The following TBC1D1 variants were observed in gnomAD, a reference collection of about 807,000 sequenced individuals.
TBC1D1 encodes the protein TBC1 domain family member 1.
In TBC1D1, 89 loss-of-function variants were observed where a neutral mutation model predicts 125.6. The observed-to-expected ratio is 0.71, with a 90% CI of 0.60 to 0.85. The LOEUF is 0.85. TBC1D1 is among the 40% of genes least tolerant of loss of function. The pLI is 0.00. For missense variants in TBC1D1, 1,377 were observed against 1,469.2 expected, an observed-to-expected ratio of 0.94 and a Z score of 1.03; for synonymous variants, 565 against 564.1, an observed-to-expected ratio of 1.00 and a Z score of -0.02.
At chr4:37,999,164 G>A (rs1436943880) in intron 2 of TBC1D1, among the ~76,000 whole-genome samples, 2 of 152,124 alleles carry the variant, frequency 1.3e-5, no homozygotes, top group Non-Finnish European at 2.9e-5. Flanking sequence ...CAGGAGAATC[G>A]CTTGAACCCG....
Position 38,015,047 on chromosome 4 carries a change from G to A in TBC1D1, c.882+74G>A, listed in dbSNP as rs188739081. ...CAAGAGAAAATCTGCTTTATGGAGC[G>A]AAGATTCTTAGTCAATTGCTTTTGA... is the stretch of plus-strand genomic sequence containing the variant. On this transcript the variant is annotated intron_variant, in intron 3 of 19. Transcript: ENST00000261439. 76 of 1,268,482 alleles carry A rather than the reference G, an allele frequency of 6.0e-5. 1 individual carries two copies. In the African/African-American group the frequency reaches 1.0e-3, roughly 17 times the overall value. 78.6% of individuals were successfully genotyped at this position (1,268,482 alleles called of 1,614,324 possible).
rs1304963501 is a variant in TBC1D1, at chr4:37,995,359, A to C, written c.418-19150A>C. ...GTATAGTATTTCTTTGATTTCCTTCATCTGTAAAAGCAGGAAGAAAATATT... is the reference window on the plus strand; with the variant it reads ...GTATAGTATTTCTTTGATTTCCTTCCTCTGTAAAAGCAGGAAGAAAATATT... On this transcript the variant is annotated intron_variant, in intron 2 of 19. Transcript: ENST00000261439. This position sits in a 1 kb window ranked among gnomAD's most constrained non-coding sequence, Gnocchi z 4.3. 5.4e-6 allele frequency: 1 copy of C among 184,956 alleles called. No homozygotes were observed. The highest frequency in any genetic ancestry group is 2.4e-5 in the African/African-American group (1 of 42,186). 11.5% of individuals were successfully genotyped at this position (184,956 alleles called of 1,614,324 possible).
At chr4:37,982,977 G>A (rs1938352711) in intron 2 of TBC1D1, among the ~76,000 whole-genome samples, 1 of 152,202 alleles carries the variant, frequency 6.6e-6, no homozygotes, top group Non-Finnish European at 1.5e-5. Flanking sequence ...CTCACAGGAG[G>A]TTGGTGGGCC....
At chr4:38,084,229 C>T (rs1757093752) in intron 12 of TBC1D1, among the ~76,000 whole-genome samples, 1 of 152,154 alleles carries the variant, frequency 6.6e-6, no homozygotes. Context: ...CCACCATGCC[C>T]GGCCATGAAT....
At chr4:38,010,499 AC>A (rs1741246783) in intron 2 of TBC1D1, among the ~76,000 whole-genome samples, 1 of 152,106 alleles carries the variant, frequency 6.6e-6, no homozygotes, top group African/African-American at 2.4e-5. Flanking sequence ...AGGCCCACTT[AC>A]CCAGCTAGAT....
intron 5 of TBC1D1, 132 bp from the exon 6 acceptor site, chr4:38,021,454 G>A (rs1024749739): frequency 1.5e-6 from 1 of 674,896 alleles, no homozygotes; most frequent in African/African-American, 1.9e-5. Context: ...ATTATTATCT[G>A]TCAACCTGTG....
chr4:38,096,396 T>C (rs1424074359), intron 14 of TBC1D1, among the ~76,000 whole-genome samples: 2 of 152,220 alleles, frequency 1.3e-5, no homozygotes, highest in African/African-American at 4.8e-5. Context: ...AACTAGAAAC[T>C]AATTGTATGG....
chr4:37,908,402 C>T lies in TBC1D1; in HGVS notation c.417+5890C>T, dbSNP rs553425249. Among the ~76,000 whole-genome samples the T allele has an allele frequency of 3.9e-5, 6 of 152,266 alleles. No individual in the cohort carries two copies. The East Asian group carries it at 9.6e-4, about 24-fold the overall frequency. On this transcript the variant is annotated intron_variant, in intron 2 of 19. Transcript: ENST00000261439. ...TGTATTTTTAGTGGAGATGGGTTTT[C>T]ACTATGTTGGCCAGGCTTGTCCCGA...
chr4:37,988,632 G>A (rs916089749), intron 2 of TBC1D1, among the ~76,000 whole-genome samples: 1 of 152,126 alleles, frequency 6.6e-6, no homozygotes, highest in Admixed American at 6.6e-5. Flanking sequence ...TCTTTTTAAG[G>A]ATGAAGAAAC....
intron 6 of TBC1D1, among the ~76,000 whole-genome samples, chr4:38,022,641 G>A (rs971366253): frequency 2.0e-5 from 3 of 152,206 alleles, no homozygotes; most frequent in African/African-American, 7.2e-5. Flanking sequence ...GGTTCCTCTT[G>A]AACAAGAGTG....
At chr4:37,944,633 C>T (rs559106331) in intron 2 of TBC1D1, among the ~76,000 whole-genome samples, 3 of 152,348 alleles carry the variant, frequency 2.0e-5, no homozygotes, top group Non-Finnish European at 2.9e-5. Flanking sequence ...ACCCTTTGAG[C>T]CAGGTGCGGG....
At chr4:38,111,980 C>T (rs1762274529) in intron 15 of TBC1D1, 1 of 985,232 alleles carries the variant, frequency 1.0e-6, no homozygotes, top group South Asian at 4.7e-5. Context: ...ATTTGGGAGT[C>T]TCATAGAACA....
intron 12 of TBC1D1, among the ~76,000 whole-genome samples, chr4:38,062,437 T>G (rs1204491485): frequency 1.3e-5 from 2 of 152,216 alleles, no homozygotes; most frequent in Non-Finnish European, 2.9e-5. Context: ...AAAAGTTGTC[T>G]TCAGTTGGCA....
chr4:38,058,681 C>T (rs756059200), intron 12 of TBC1D1, among the ~76,000 whole-genome samples: 6 of 152,158 alleles, frequency 3.9e-5, no homozygotes, highest in Non-Finnish European at 7.3e-5. Context: ...GGTGAAAAAG[C>T]GAGGCAGGGA....
chr4:38,014,489 A>C lies in TBC1D1; in HGVS notation c.418-20A>C, dbSNP rs1384530525. ...AGCCACACTGCATGTTCCAAATAAC[A>C]CGCCTCTCTCTCTCCTCAGGTGCCT... On this transcript the variant is annotated intron_variant, in intron 2 of 19. Transcript: ENST00000261439. The surrounding 1 kb of genome is among the most constrained non-coding windows in gnomAD (Gnocchi z 5.1). 2.7e-5 allele frequency: 44 copies of C among 1,605,458 alleles called. No individual in the cohort carries two copies. Among genetic ancestry groups the C allele is most frequent in the Non-Finnish European group, 3.7e-5 (44 of 1,173,898 alleles).
intron 2 of TBC1D1, among the ~76,000 whole-genome samples, chr4:37,997,896 C>T (rs930449900): frequency 6.6e-5 from 10 of 152,016 alleles, no homozygotes; most frequent in African/African-American, 1.9e-4. Context: ...CTGCACAGTT[C>T]CCACTTTTTG....
intron 19 of TBC1D1, among the ~76,000 whole-genome samples, chr4:38,135,739 T>G (rs1221868158): frequency 6.6e-6 from 1 of 152,188 alleles, no homozygotes; most frequent in Non-Finnish European, 1.5e-5. Flanking sequence ...TTTCATATTT[T>G]GGGTGTTCTA....
At chr4:38,009,297 ATG>A (rs1490584907) in intron 2 of TBC1D1, among the ~76,000 whole-genome samples, 1 of 152,206 alleles carries the variant, frequency 6.6e-6, no homozygotes, top group African/African-American at 2.4e-5. Flanking sequence ...AAAAAACACA[ATG>A]TGTCCGGCCA....
At chr4:37,993,173 A>G (rs1737008080) in intron 2 of TBC1D1, among the ~76,000 whole-genome samples, 2 of 152,332 alleles carry the variant, frequency 1.3e-5, no homozygotes, top group East Asian at 1.9e-4. Flanking sequence ...CTGGAAATGT[A>G]GAGAAAGAAA....
Sources: gnomAD v4.1 joint callset for allele counts (sites outside exome capture counted in the v4.1 genomes callset) on GRCh38, gnomAD v4.1.1 for gene constraint, Gnocchi (gnomAD v3.1) non-coding constraint, MANE v1.5 for transcripts, NCBI Gene and HGNC (gene_info 2026-07-23, HGNC 2026-07-21) for gene names.